The following LRP1B variants were observed in gnomAD, a reference collection of about 807,000 sequenced individuals.
LRP1B encodes the protein LDL receptor related protein 1B.
Under a neutral mutation model 556.6 loss-of-function variants are expected in LRP1B, and 217 were observed. The observed-to-expected ratio is 0.39, with a 90% confidence interval of 0.35 to 0.44. LRP1B has a LOEUF of 0.44. Ranked by LOEUF, LRP1B falls within the 20% of genes least tolerant of loss-of-function variation. The pLI is 1.00. For missense variants in LRP1B, 5,053 were observed against 5,620.8 expected (o/e 0.90, Z 3.23); for synonymous variants, 2,047 against 1,865.8 (o/e 1.10, Z -2.50).
intron 77 of LRP1B, among the ~76,000 whole-genome samples, chr2:140,347,820 G>T (rs1681761460): frequency 6.6e-6 from 1 of 151,924 alleles, no homozygotes; most frequent in African/African-American, 2.4e-5. Flanking sequence ...TTTTCAAGGG[G>T]TGGGAAAGTC....
intron 66 of LRP1B, among the ~76,000 whole-genome samples, chr2:140,387,934 C>CTT (rs536602296): frequency 7.0e-4 from 97 of 138,386 alleles, no homozygotes; most frequent in Middle Eastern, 3.9e-3. Flanking sequence ...CTTGTACTTT[C>CTT]TTTTTTTTTT....
At chr2:141,695,519 G>T (rs1377009298) in intron 2 of LRP1B, among the ~76,000 whole-genome samples, 1 of 151,906 alleles carries the variant, frequency 6.6e-6, no homozygotes, top group Admixed American at 6.6e-5. Context: ...TGAAGATGAG[G>T]AAGGCTTAGA....
At chr2:140,555,355 A>G (rs1680695412) in intron 43 of LRP1B, among the ~76,000 whole-genome samples, 1 of 152,084 alleles carries the variant, frequency 6.6e-6, no homozygotes, top group African/African-American at 2.4e-5. Context: ...GGCCAATTTA[A>G]TTTGACATTC....
intron 2 of LRP1B, among the ~76,000 whole-genome samples, chr2:141,772,011 G>T (rs1002269281): frequency 3.3e-5 from 5 of 151,982 alleles, no homozygotes; most frequent in African/African-American, 1.2e-4. Flanking sequence ...TAGAGACGGG[G>T]TTTCACCATG....
chr2:140,501,838 T>C lies in LRP1B; in HGVS notation c.8699A>G (p.Asn2900Ser). ...SCNSSFFMCK[N>S]GRCIPSGGLC... Reference sequence around the variant, plus strand: ...ACCTCCACTGGGAATGCACCTGCCATTTTTGCACATAAAAAATGAACTGTT... The same window carrying C: ...ACCTCCACTGGGAATGCACCTGCCACTTTTGCACATAAAAAATGAACTGTT... The change falls in exon 55 of 91, where the codon AAT becomes AGT. Residue 2900 changes from asparagine (N) to serine (S), a missense_variant. This residue lies in a region of LRP1B where 3,619 missense variants were observed against 3,931.9 expected (regional missense o/e 0.92). Coordinates refer to ENST00000389484, the MANE Select transcript of LRP1B (RefSeq NM_018557.3). 1.9e-6 allele frequency: 3 copies of C among 1,607,622 alleles called. No homozygotes were observed. Among genetic ancestry groups the C allele is most frequent in the South Asian group, 1.1e-5 (1 of 90,042 alleles).
chr2:141,985,483 T>C (rs1203332226), intron 1 of LRP1B, among the ~76,000 whole-genome samples: 2 of 151,602 alleles, frequency 1.3e-5, no homozygotes, highest in Non-Finnish European at 3.0e-5. Context: ...AAATGTCAAA[T>C]TCCTTTCAAA....
At chr2:141,540,162 G>T (rs1275552188) in intron 2 of LRP1B, among the ~76,000 whole-genome samples, 1 of 151,928 alleles carries the variant, frequency 6.6e-6, no homozygotes, top group African/African-American at 2.4e-5. Flanking sequence ...TATAGATGGA[G>T]AATTTGAGAT....
intron 86 of LRP1B, among the ~76,000 whole-genome samples, chr2:140,267,683 G>A (rs532011137): frequency 6.6e-6 from 1 of 151,962 alleles, no homozygotes; most frequent in East Asian, 2.0e-4. Context: ...CACGAATGTG[G>A]AGTGTGGGGA....
intron 2 of LRP1B, among the ~76,000 whole-genome samples, chr2:141,651,176 G>A (rs1466734889): frequency 1.3e-5 from 2 of 151,980 alleles, no homozygotes; most frequent in African/African-American, 2.4e-5. Context: ...AATGTATATG[G>A]TTCTATTTCT....
At chr2:140,958,942 A>C (rs1695953784) in intron 18 of LRP1B, among the ~76,000 whole-genome samples, 1 of 151,614 alleles carries the variant, frequency 6.6e-6, no homozygotes, top group Non-Finnish European at 1.5e-5. Flanking sequence ...AAAATATAAG[A>C]GGGAAATCAA....
intron 35 of LRP1B, among the ~76,000 whole-genome samples, chr2:140,748,760 TATAC>T (rs1688447050): frequency 9.9e-6 from 1 of 101,008 alleles, no homozygotes; most frequent in Non-Finnish European, 1.9e-5. Flanking sequence ...ATATATATTA[TATAC>T]ATGTATATAA....
intron 7 of LRP1B, among the ~76,000 whole-genome samples, chr2:141,128,045 A>G (rs1336109765): frequency 6.6e-6 from 1 of 152,172 alleles, no homozygotes; most frequent in East Asian, 1.9e-4. Flanking sequence ...GCTAGAAGCA[A>G]TCACAGCTCA....
intron 1 of LRP1B, among the ~76,000 whole-genome samples, chr2:142,051,835 T>C (rs1704473373): frequency 6.6e-6 from 1 of 152,154 alleles, no homozygotes; most frequent in African/African-American, 2.4e-5. Flanking sequence ...TTTAGGACTT[T>C]AAAATTATGA....
intron 2 of LRP1B, among the ~76,000 whole-genome samples, chr2:141,642,238 A>G (rs984660728): frequency 6.6e-6 from 1 of 152,180 alleles, no homozygotes; most frequent in South Asian, 2.1e-4. Context: ...AAAATTAAAC[A>G]TTTAAAAATT....
At chr2:141,249,983 G>T (rs996482220) in intron 4 of LRP1B, among the ~76,000 whole-genome samples, 2 of 152,090 alleles carry the variant, frequency 1.3e-5, no homozygotes, top group African/African-American at 2.4e-5. Flanking sequence ...AAGATAATTT[G>T]GGACTCCTGT....
intron 18 of LRP1B, among the ~76,000 whole-genome samples, chr2:140,967,306 C>A (rs182827280): frequency 1.4e-5 from 2 of 145,588 alleles, no homozygotes; most frequent in African/African-American, 2.5e-5. Flanking sequence ...TTTGAAGCAA[C>A]TGTGAATGGG....
intron 3 of LRP1B, among the ~76,000 whole-genome samples, chr2:141,450,712 T>C (rs1402137747): frequency 6.6e-6 from 1 of 152,058 alleles, no homozygotes; most frequent in African/African-American, 2.4e-5. Flanking sequence ...CATAAATAAA[T>C]CTTCATTTAT....
chr2:140,869,865 TG>T (rs976163744), intron 25 of LRP1B, among the ~76,000 whole-genome samples: 32 of 152,080 alleles, frequency 2.1e-4, no homozygotes, highest in African/African-American at 7.5e-4. Flanking sequence ...GTGTAGACAA[TG>T]TTGGGGCTCA....
At chr2:141,480,163 G>GTA (rs1320787691) in intron 3 of LRP1B, among the ~76,000 whole-genome samples, 2 of 20,038 alleles carry the variant, frequency 1.0e-4, no homozygotes, top group East Asian at 1.1e-3. Context: ...CTAAATTTGT[G>GTA]TGTGTGTGTG....
Sources: allele counts gnomAD v4.1 joint callset (sites outside exome capture counted in the v4.1 genomes callset), GRCh38; gene constraint gnomAD v4.1.1; regional missense constraint gnomAD v4.1.1; transcripts MANE v1.5; gene names NCBI Gene and HGNC (gene_info 2026-07-23, HGNC 2026-07-21).